E2F5: variants seen among roughly 807,000 people sequenced by gnomAD.
The protein encoded by E2F5 is E2F transcription factor 5.
E2F5 carries 23 observed loss-of-function variants against 39.1 expected under a neutral mutation model. That is an observed-to-expected ratio of 0.59 (90% CI 0.42 to 0.83). The LOEUF (loss-of-function observed/expected upper bound fraction) is 0.83, where lower values mean the gene tolerates loss of function less well. Ranked by LOEUF, E2F5 falls within the 40% of genes least tolerant of loss-of-function variation. The pLI is 0.00. For synonymous variants in E2F5, 145 were observed against 157.8 expected, an observed-to-expected ratio of 0.92 and a Z score of 0.61; for missense variants, 365 against 406.7, an observed-to-expected ratio of 0.90 and a Z score of 0.88.
intron 1 of E2F5, among the ~76,000 whole-genome samples, chr8:85,195,273 C>T (rs1812556986): frequency 6.6e-6 from 1 of 152,016 alleles, no homozygotes; most frequent in African/African-American, 2.4e-5. Flanking sequence ...GTCCCAGCTA[C>T]TCAGGAGGCT....
intron 1 of E2F5, among the ~76,000 whole-genome samples, chr8:85,193,091 TA>T: frequency 6.6e-6 from 1 of 152,290 alleles, no homozygotes; most frequent in East Asian, 1.9e-4. Flanking sequence ...ATACATAAAA[TA>T]AATGTTGGGT....
At chr8:85,194,212 G>T (rs1454615814) in intron 1 of E2F5, among the ~76,000 whole-genome samples, 1 of 152,080 alleles carries the variant, frequency 6.6e-6, no homozygotes, top group East Asian at 1.9e-4. Context: ...ATGTATGTTT[G>T]TGTATGTGTG....
intron 1 of E2F5, among the ~76,000 whole-genome samples, chr8:85,186,523 A>G (rs1017923603): frequency 1.3e-5 from 2 of 150,582 alleles, no homozygotes; most frequent in Admixed American, 6.7e-5. Context: ...GTGTGTATAT[A>G]TATGTACGGT....
chr8:85,190,660 T>C (rs1812442688), intron 1 of E2F5, among the ~76,000 whole-genome samples: 1 of 151,774 alleles, frequency 6.6e-6, no homozygotes, highest in Non-Finnish European at 1.5e-5. Context: ...CCCACCACCA[T>C]GCCCAGGTAA....
chr8:85,201,441 T>G (rs959125887), intron 1 of E2F5, among the ~76,000 whole-genome samples: 10 of 152,232 alleles, frequency 6.6e-5, no homozygotes, highest in African/African-American at 2.4e-4. Context: ...AAATGTGAAT[T>G]GGAACTAATC....
intron 1 of E2F5, among the ~76,000 whole-genome samples, chr8:85,185,251 G>C (rs1336020085): frequency 6.6e-6 from 1 of 152,010 alleles, no homozygotes; most frequent in Non-Finnish European, 1.5e-5. Flanking sequence ...CTGACACCAA[G>C]AAGAAATGGG....
intron 1 of E2F5, 21 bp from the exon 2 acceptor site, chr8:85,202,126 C>T: frequency 6.3e-7 from 1 of 1,593,420 alleles, no homozygotes; most frequent in South Asian, 1.1e-5. Context: ...TTTCACTGTT[C>T]TCGTTGTCTT....
At chr8:85,212,885 TTC>T (rs1264357421) in intron 7 of E2F5, 2 of 139,088 alleles carry the variant, frequency 1.4e-5, no homozygotes, top group Non-Finnish European at 3.1e-5. Context: ...TTCATTAGTG[TTC>T]TGTTTTTTTT....
At chr8:85,184,397 A>G (rs1587481977) in intron 1 of E2F5, among the ~76,000 whole-genome samples, 2 of 152,244 alleles carry the variant, frequency 1.3e-5, no homozygotes, top group South Asian at 4.1e-4. Flanking sequence ...TGACAAATCC[A>G]CAGCCAGTAT....
chr8:85,181,619 G>A (rs1297348094), intron 1 of E2F5, among the ~76,000 whole-genome samples: 2 of 147,276 alleles, frequency 1.4e-5, no homozygotes, highest in East Asian at 4.1e-4. Flanking sequence ...GATTACAGGC[G>A]TGAGCCACCG....
intron 1 of E2F5, among the ~76,000 whole-genome samples, chr8:85,188,129 G>A (rs925659235): frequency 1.3e-5 from 2 of 151,952 alleles, no homozygotes; most frequent in African/African-American, 4.8e-5. Flanking sequence ...TTTTTATATC[G>A]TCTATTGCTT....
rs761997239 is a variant in E2F5 at position 85,213,883 on chromosome 8, T to C, written c.*21T>C. 1.4e-6 allele frequency: 2 copies of C among 1,380,248 alleles called. No homozygotes were observed. The highest frequency in any genetic ancestry group is 1.4e-5 in the African/African-American group (1 of 70,330). 85.5% of individuals were successfully genotyped at this position (1,380,248 alleles called of 1,614,324 possible). A position where few individuals can be genotyped will look rare whatever the true frequency, so the allele number is the denominator to read the frequency against. On this transcript the variant is annotated 3_prime_UTR_variant, in exon 8 of 8. Transcript: ENST00000416274. ...ATTAGATTCCATGGAAACTTGGGAC[T>C]GTTATCTACCTCTAACTGTGTAACA...
intron 1 of E2F5, among the ~76,000 whole-genome samples, chr8:85,182,241 G>A (rs1279577416): frequency 6.6e-6 from 1 of 152,102 alleles, no homozygotes; most frequent in Non-Finnish European, 1.5e-5. Flanking sequence ...TACATCAAGA[G>A]CTTACCATAT....
chr8:85,201,440 T>C lies in E2F5; in HGVS notation c.235-707T>C, dbSNP rs572669864. ...TGGGAACACACATCAAAAATGTGAA[T>C]TGGAACTAATCAGAGGAATTGTTTG... On this transcript the variant is annotated intron_variant, in intron 1 of 7. Transcript: ENST00000416274. Among the ~76,000 whole-genome samples the C allele has an allele frequency of 5.9e-5, 9 of 152,356 alleles. No individual in the cohort carries two copies. The East Asian group carries it at 1.5e-3, about 26-fold the overall frequency.
At chr8:85,207,136 C>G (rs906343211) in intron 4 of E2F5, among the ~76,000 whole-genome samples, 1 of 152,212 alleles carries the variant, frequency 6.6e-6, no homozygotes, top group African/African-American at 2.4e-5. Flanking sequence ...GAATCTCAGA[C>G]TTTACAGGAG....
chr8:85,213,733 A>C lies in E2F5; in HGVS notation c.932-20A>C, dbSNP rs1260742250. On this transcript the variant is annotated intron_variant, in intron 7 of 7. Coordinates refer to ENST00000416274, the MANE Select transcript of E2F5 (RefSeq NM_001951.4). ...TATGTAGAAACCATCTTTAACACTA[A>C]ATTTGTTTTTTGTTCGCAGTGTTTC... 3.6e-6 allele frequency: 5 copies of C among 1,370,150 alleles called. No individual in the cohort carries two copies. The highest frequency in any genetic ancestry group is 3.5e-5 in the South Asian group (3 of 84,808). The allele number at this position is 1,370,150 out of a possible 1,614,324, so 84.9% of individuals were successfully genotyped here. A position where few individuals can be genotyped will look rare whatever the true frequency, so the allele number is the denominator to read the frequency against.
chr8:85,195,721 C>T (rs1320377133), intron 1 of E2F5, among the ~76,000 whole-genome samples: 1 of 152,000 alleles, frequency 6.6e-6, no homozygotes, highest in East Asian at 1.9e-4. Flanking sequence ...TCTCAAACTA[C>T]TGGGCTCAAG....
intron 7 of E2F5, 197 bp from the exon 8 acceptor site, chr8:85,213,556 A>AAAAAG: frequency 3.5e-6 from 1 of 282,642 alleles, no homozygotes; most frequent in Non-Finnish European, 6.6e-6. Flanking sequence ...AAAAAAAAAA[A>AAAAAG]AAAAAGAAAA....
intron 4 of E2F5, among the ~76,000 whole-genome samples, chr8:85,206,844 A>G (rs182567402): frequency 7.2e-5 from 11 of 152,324 alleles, no homozygotes; most frequent in Admixed American, 2.0e-4. Context: ...ACCTATTTAA[A>G]AAGATTCTGC....
Sources: gnomAD v4.1 joint callset for allele counts (sites outside exome capture counted in the v4.1 genomes callset) on GRCh38, gnomAD v4.1.1 for gene constraint, MANE v1.5 for transcripts, NCBI Gene and HGNC (gene_info 2026-07-23, HGNC 2026-07-21) for gene names.